The following DNAH6 variants were observed in gnomAD, a reference collection of about 807,000 sequenced individuals.
DNAH6 encodes the protein dynein axonemal heavy chain 6, also known as axonemal beta dynein heavy chain 6.
In DNAH6, 340 loss-of-function variants were observed where a neutral mutation model predicts 491.4. That is an observed-to-expected ratio of 0.69 (90% CI 0.63 to 0.76). The LOEUF (loss-of-function observed/expected upper bound fraction) is 0.76, where lower values mean the gene tolerates loss of function less well. Among genes scored for constraint, DNAH6 ranks in the 30% least tolerant of loss-of-function variants. The probability of loss-of-function intolerance (pLI) is 0.00; values close to 1 mark genes in which losing one functional copy is unlikely to be tolerated. For synonymous variants in DNAH6, 1,603 were observed against 1,686.1 expected (o/e 0.95, Z 1.21); for missense variants, 4,443 against 4,972.2 (o/e 0.89, Z 3.20).
At chr2:84,486,300 A>C in the DNAH6 span, among the ~76,000 whole-genome samples, 3 of 152,186 alleles carry the variant, frequency 2.0e-5, no homozygotes, top group African/African-American at 7.2e-5. Context: ...CAAGAACCCC[A>C]AAACCTTAAA....
rs1009690190 is a variant in DNAH6, at chr2:84,710,278, T to A, written c.9253-9T>A. The A allele has an allele frequency of 2.6e-6, 4 of 1,551,404 alleles. No individual in the cohort carries two copies. The highest frequency in any genetic ancestry group is 2.0e-5 in the Admixed American group (1 of 50,958). On this transcript the variant is annotated splice_polypyrimidine_tract_variant and intron_variant, in intron 55 of 76. Transcript: ENST00000389394. ...AAGCAAATGTTCTGCTCTGTGCTTT[T>A]CCAAACAGGCAAACCGTTGGATAAG...
In DNAH6 at chr2:84,529,078, A is replaced by T; in HGVS notation, c.574A>T (p.Ile192Leu). 6.4e-7 allele frequency: 1 copy of T among 1,551,328 alleles called. No individual in the cohort carries two copies. The highest frequency in any genetic ancestry group is 1.2e-5 in the South Asian group (1 of 84,052). ...NIRDPLQIIK[I>L]IRENEHLGFL... is the part of the protein sequence containing the mutation. ...TCGTGATCCCTTGCAAATCATTAAA[A>T]TAATACGTGAAAATGAACATCTTGG... Residue 192 changes from isoleucine to leucine, a missense_variant, in exon 4 of 77, where the codon ATA becomes TTA. Ile to Leu is a conservative substitution (Grantham distance 5). Coordinates refer to ENST00000389394, the MANE Select transcript of DNAH6 (RefSeq NM_001370.2).
intron 2 of DNAH6, among the ~76,000 whole-genome samples, chr2:84,523,096 A>G (rs1676300373): frequency 6.7e-6 from 1 of 149,444 alleles, no homozygotes; most frequent in Non-Finnish European, 1.5e-5. Context: ...CCATCTGGTC[A>G]TTGCTAGGCT....
intron 31 of DNAH6, among the ~76,000 whole-genome samples, chr2:84,638,210 C>T (rs1689052400): frequency 6.6e-6 from 1 of 152,120 alleles, no homozygotes; most frequent in African/African-American, 2.4e-5. Context: ...AACAGGGTCT[C>T]ACTATGCTAC....
intron 10 of DNAH6, among the ~76,000 whole-genome samples, chr2:84,554,575 T>C (rs6547566): frequency 0.9 from 136,669 of 152,292 alleles, 61,650 homozygotes; most frequent in East Asian, 0.99. Flanking sequence ...GGAAAACCGC[T>C]TCTGGGGTTC....
intron 3 of DNAH6, among the ~76,000 whole-genome samples, chr2:84,528,028 A>G (rs1676766650): frequency 6.6e-6 from 1 of 152,150 alleles, no homozygotes. Flanking sequence ...AATTTCTTCA[A>G]ACACAGTGAT....
intron 29 of DNAH6, among the ~76,000 whole-genome samples, chr2:84,633,157 T>A (rs1468820965): frequency 1.3e-5 from 2 of 152,196 alleles, no homozygotes; most frequent in Non-Finnish European, 2.9e-5. Context: ...AGGATTTTCC[T>A]TCTAAAGTAG....
intron 5 of DNAH6, among the ~76,000 whole-genome samples, chr2:84,546,185 G>A (rs1236561390): frequency 6.6e-6 from 1 of 151,966 alleles, no homozygotes; most frequent in African/African-American, 2.4e-5. Flanking sequence ...AATACACTTG[G>A]CTCTCAGTGT....
In DNAH6 at chr2:84,805,746, G is replaced by C; in HGVS notation, c.11563G>C (p.Asp3855His). The change falls in exon 71 of 77, where the codon GAC (aspartate) becomes CAC (histidine). Residue 3855 changes from aspartate (D) to histidine (H), a missense_variant. Coordinates refer to ENST00000389394, the MANE Select transcript of DNAH6 (RefSeq NM_001370.2). ...TACTGGTGGAGAGGGAAAAAGCAAT[G>C]ACGAAATTGTTCAAGAACTTGTTGC... ...SSTGGEGKSN[D>H]EIVQELVASV... The C allele has an allele frequency of 5.2e-6, 8 of 1,551,644 alleles. No individual in the cohort carries two copies. The highest frequency in any genetic ancestry group is 7.0e-6 in the Non-Finnish European group (8 of 1,146,922).
chr2:84,782,089 C>A (rs11687050), intron 65 of DNAH6, among the ~76,000 whole-genome samples: 4,100 of 152,250 alleles, frequency 0.027, 79 homozygotes, highest in South Asian at 0.061. Context: ...GGCAACTAAC[C>A]TTTACATGTG....
At chr2:84,520,917 G>A (rs1460807825) in intron 2 of DNAH6, among the ~76,000 whole-genome samples, 1 of 151,860 alleles carries the variant, frequency 6.6e-6, no homozygotes, top group Non-Finnish European at 1.5e-5. Context: ...TATTCCTTTG[G>A]GTATATACCC....
In DNAH6 at chr2:84,550,123, C is replaced by T. The variant is rs529385406; in HGVS notation, c.1485+66C>T. Reference sequence around the variant, plus strand: ...TTTATTGAGGAGTGCAAACTACGCTCTATGAATTATGCTATTTTCTGTGCA... The same window carrying T: ...TTTATTGAGGAGTGCAAACTACGCTTTATGAATTATGCTATTTTCTGTGCA... On this transcript the variant is annotated intron_variant, in intron 9 of 76. Transcript: ENST00000389394. 531 of 1,238,560 alleles carry T rather than the reference C, an allele frequency of 4.3e-4. 8 individuals are homozygous for T. In the South Asian group the frequency reaches 7.5e-3, roughly 17 times the overall value. The allele number at this position is 1,238,560 out of a possible 1,614,324, so 76.7% of individuals were successfully genotyped here. A position where few individuals can be genotyped will look rare whatever the true frequency, so the allele number is the denominator to read the frequency against.
At chr2:84,791,153 G>T (rs1205827920) in intron 68 of DNAH6, among the ~76,000 whole-genome samples, 1 of 149,054 alleles carries the variant, frequency 6.7e-6, no homozygotes, top group Non-Finnish European at 1.5e-5. Context: ...TCACGCCACT[G>T]CACTCCAGCC....
chr2:84,559,098 T>C (rs72830199), intron 11 of DNAH6, among the ~76,000 whole-genome samples: 1 of 152,320 alleles, frequency 6.6e-6, no homozygotes, highest in Non-Finnish European at 1.5e-5. Context: ...ATTTTCCACC[T>C]ACTACTGTCT....
In DNAH6 at chr2:84,538,607, T is replaced by C. The variant is rs144371958; in HGVS notation, c.663-5626T>C. ...GAACATTAGACCTAAATGATTCTCATTGATAGATGGTTAACAGATGTGTTC... is the reference window on the plus strand; with the variant it reads ...GAACATTAGACCTAAATGATTCTCACTGATAGATGGTTAACAGATGTGTTC... On this transcript the variant is annotated intron_variant, in intron 4 of 76. Coordinates refer to ENST00000389394, the MANE Select transcript of DNAH6 (RefSeq NM_001370.2). 6.5e-4 allele frequency among the ~76,000 whole-genome samples: 99 copies of C among 152,238 alleles called. 1 individual carries two copies. Among genetic ancestry groups the C allele is most frequent in the African/African-American group, 2.2e-3 (93 of 41,566 alleles).
In DNAH6 at chr2:84,547,353, C is replaced by A; in HGVS notation, c.1016C>A (p.Thr339Asn). ...CTTTGTTATATTGAAAAGTGTCACA[C>A]CTACACCCTGCAGGAATTTAAGGCC... Reference protein sequence around the residue: ...MGLCYIEKCHTYTLQEFKAAQ... With the variant: ...MGLCYIEKCHNYTLQEFKAAQ... The change falls in exon 6 of 77, where the codon ACC becomes AAC. Residue 339 changes from threonine (T) to asparagine (N), a missense_variant. Thr to Asn is a moderately conservative substitution (Grantham distance 65, BLOSUM62 0). Around this residue, in one of 3 missense-constraint regions of DNAH6, gnomAD observed 2,977 missense variants for 3,296.6 expected, o/e 0.90. Transcript: ENST00000389394. The A allele has an allele frequency of 6.4e-7, 1 of 1,551,700 alleles. No homozygotes were observed. Among genetic ancestry groups the A allele is most frequent in the South Asian group, 1.2e-5 (1 of 84,054 alleles).
chr2:84,596,576 C>T (rs1684603414), intron 18 of DNAH6, among the ~76,000 whole-genome samples: 1 of 152,000 alleles, frequency 6.6e-6, no homozygotes, highest in African/African-American at 2.4e-5. Context: ...CGTGATCCAC[C>T]TGCCTCGGCC....
chr2:84,658,081 C>A (rs1386307514), intron 35 of DNAH6, among the ~76,000 whole-genome samples: 6 of 151,912 alleles, frequency 3.9e-5, no homozygotes, highest in African/African-American at 1.4e-4. Flanking sequence ...AAATAGAACA[C>A]CATCAACTAC....
intron 13 of DNAH6, among the ~76,000 whole-genome samples, chr2:84,579,100 A>T (rs530598157): frequency 6.6e-6 from 1 of 152,124 alleles, no homozygotes; most frequent in African/African-American, 2.4e-5. Context: ...TCTTAATCTG[A>T]TCAGTTTGGC....
Sources: gnomAD v4.1 joint callset for allele counts (sites outside exome capture counted in the v4.1 genomes callset) on GRCh38, gnomAD v4.1.1 for gene constraint, gnomAD v4.1.1 regional missense constraint, MANE v1.5 for transcripts, NCBI Gene and HGNC (gene_info 2026-07-23, HGNC 2026-07-21) for gene names.